The following LAMA2 variants were observed in gnomAD, a reference collection of about 807,000 sequenced individuals.
LAMA2 encodes the protein laminin subunit alpha-2.
In LAMA2, 269 loss-of-function variants were observed where a neutral mutation model predicts 364.8. That is an observed-to-expected ratio of 0.74 (90% CI 0.67 to 0.82). LAMA2 has a LOEUF of 0.82. Ranked by LOEUF, LAMA2 falls within the 40% of genes least tolerant of loss-of-function variation. LAMA2 has a pLI of 0.00. For missense variants in LAMA2, 3,807 were observed against 3,873.2 expected (o/e 0.98, Z 0.45); for synonymous variants, 1,379 against 1,370.6 (o/e 1.01, Z -0.14).
intron 12 of LAMA2, among the ~76,000 whole-genome samples, chr6:129,232,114 AT>A (rs1169030260): frequency 1.3e-5 from 2 of 152,086 alleles, no homozygotes; most frequent in African/African-American, 2.4e-5. Context: ...TAAAGAAGAC[AT>A]TTTCTTGTTT....
chr6:129,112,762 G>A (rs1009895589), intron 4 of LAMA2, among the ~76,000 whole-genome samples: 2 of 151,804 alleles, frequency 1.3e-5, no homozygotes, highest in Admixed American at 6.6e-5. Context: ...CTTGTCTAGG[G>A]AACTGTGTGG....
intron 16 of LAMA2, among the ~76,000 whole-genome samples, chr6:129,269,268 A>G (rs1787749599): frequency 6.6e-6 from 1 of 151,940 alleles, no homozygotes; most frequent in African/African-American, 2.4e-5. Context: ...TTCTTCTCAT[A>G]GTTCTTGTGG....
intron 30 of LAMA2, among the ~76,000 whole-genome samples, chr6:129,348,060 G>A (rs979815069): frequency 1.8e-4 from 27 of 152,208 alleles, no homozygotes; most frequent in Non-Finnish European, 3.2e-4. Context: ...GCGTGCATGT[G>A]CGTGAGTGTG....
chr6:129,225,570 C>T (rs1350278010), intron 12 of LAMA2, among the ~76,000 whole-genome samples: 1 of 152,068 alleles, frequency 6.6e-6, no homozygotes, highest in Non-Finnish European at 1.5e-5. Flanking sequence ...CATCTTTATT[C>T]CAGCCTTCAT....
intron 41 of LAMA2, among the ~76,000 whole-genome samples, chr6:129,437,532 T>C (rs1781893681): frequency 6.6e-6 from 1 of 152,038 alleles, no homozygotes; most frequent in Non-Finnish European, 1.5e-5. Context: ...ATTTACATGT[T>C]GCATTTCTGT....
intron 32 of LAMA2, among the ~76,000 whole-genome samples, chr6:129,363,339 C>T (rs1202762138): frequency 2.6e-5 from 4 of 152,094 alleles, no homozygotes; most frequent in African/African-American, 9.7e-5. Flanking sequence ...GATGGTTAGA[C>T]CTTACCACAG....
intron 40 of LAMA2, among the ~76,000 whole-genome samples, chr6:129,422,422 A>G (rs1335736089): frequency 6.6e-6 from 1 of 152,164 alleles, no homozygotes; most frequent in Non-Finnish European, 1.5e-5. Flanking sequence ...ATGAAGGTGC[A>G]AGAGCCAGTG....
intron 23 of LAMA2, among the ~76,000 whole-genome samples, chr6:129,313,584 A>C (rs570280258): frequency 2.0e-5 from 3 of 152,236 alleles, no homozygotes; most frequent in Non-Finnish European, 4.4e-5. Flanking sequence ...CTGTCATTAC[A>C]AACAGTGACT....
chr6:129,119,447 T>G, intron 4 of LAMA2, among the ~76,000 whole-genome samples: 1 of 152,118 alleles, frequency 6.6e-6, no homozygotes. Flanking sequence ...AGTATGTTTA[T>G]ACTCTTCCAT....
intron 1 of LAMA2, among the ~76,000 whole-genome samples, chr6:128,964,229 G>T (rs1781708579): frequency 6.6e-6 from 1 of 152,014 alleles, no homozygotes; most frequent in Non-Finnish European, 1.5e-5. Context: ...TGTGATATCT[G>T]ACATGGGAAA....
At chr6:129,501,014 G>T (rs949771319) in intron 58 of LAMA2, among the ~76,000 whole-genome samples, 1 of 152,142 alleles carries the variant, frequency 6.6e-6, no homozygotes, top group African/African-American at 2.4e-5. Flanking sequence ...AGAGCTGAGG[G>T]TGTAAAGATG....
chr6:129,507,421 C>T, intron 61 of LAMA2, 68 bp from the exon 62 acceptor site: 1 of 1,513,238 alleles, frequency 6.6e-7, no homozygotes, highest in East Asian at 2.3e-5. Context: ...CTGCAAATGA[C>T]TGTATTCTAC....
chr6:129,423,874 T>A (rs1214208415), intron 40 of LAMA2, among the ~76,000 whole-genome samples: 1 of 151,992 alleles, frequency 6.6e-6, no homozygotes, highest in Admixed American at 6.6e-5. Flanking sequence ...CCAGTAAAAA[T>A]CCTAGCAAGG....
chr6:129,232,992 A>C (rs1173251027), intron 12 of LAMA2, among the ~76,000 whole-genome samples: 1 of 152,158 alleles, frequency 6.6e-6, no homozygotes. Flanking sequence ...GACAAACAGC[A>C]AGGAAATGGG....
chr6:129,105,254 C>T (rs1318734226), intron 4 of LAMA2, among the ~76,000 whole-genome samples: 1 of 152,108 alleles, frequency 6.6e-6, no homozygotes, highest in Non-Finnish European at 1.5e-5. Context: ...ACATAACATG[C>T]ATGTCCAGCA....
At chr6:128,910,493 C>A (rs538476409) in intron 1 of LAMA2, among the ~76,000 whole-genome samples, 285 of 152,146 alleles carry the variant, frequency 1.9e-3, no homozygotes, top group African/African-American at 6.5e-3. Flanking sequence ...TCCATCAGCT[C>A]CTTTAAGCAT....
At chr6:129,514,065 C>A (rs961937719) in intron 63 of LAMA2, among the ~76,000 whole-genome samples, 2 of 152,168 alleles carry the variant, frequency 1.3e-5, no homozygotes, top group African/African-American at 4.8e-5. Context: ...TCCCTGTGTA[C>A]ACTAGGTCCT....
At chr6:129,358,511 A>G (rs1235551360) in intron 32 of LAMA2, among the ~76,000 whole-genome samples, 2 of 152,072 alleles carry the variant, frequency 1.3e-5, no homozygotes, top group Non-Finnish European at 2.9e-5. Context: ...TAAAGTTGGA[A>G]GAAATAAGTA....
At chr6:129,405,853 G>A (rs1780222616) in intron 40 of LAMA2, among the ~76,000 whole-genome samples, 1 of 152,122 alleles carries the variant, frequency 6.6e-6, no homozygotes, top group Non-Finnish European at 1.5e-5. Context: ...AGAGAAGAAT[G>A]AGATTAAATG....
Sources: allele counts gnomAD v4.1 joint callset (sites outside exome capture counted in the v4.1 genomes callset), GRCh38; gene constraint gnomAD v4.1.1; transcripts MANE v1.5; gene names NCBI Gene and HGNC (gene_info 2026-07-23, HGNC 2026-07-21).